FHIT: variants seen among roughly 807,000 people sequenced by gnomAD.
The protein encoded by FHIT is bis(5'-adenosyl)-triphosphatase.
FHIT carries 19 observed loss-of-function variants against 17.9 expected under a neutral mutation model. That is an observed-to-expected ratio of 1.06 (90% CI 0.74 to 1.56). The LOEUF (loss-of-function observed/expected upper bound fraction) is 1.56, where lower values mean the gene tolerates loss of function less well. Among genes scored for constraint, FHIT ranks in the 40% most tolerant of loss-of-function variants. The pLI is 0.00. For missense variants in FHIT, 248 were observed against 189.2 expected, an observed-to-expected ratio of 1.31 and a Z score of -1.82; for synonymous variants, 81 against 69.7, an observed-to-expected ratio of 1.16 and a Z score of -0.81.
intron 5 of FHIT, among the ~76,000 whole-genome samples, chr3:60,466,450 T>C (rs180696055): frequency 1.1e-4 from 17 of 152,198 alleles, no homozygotes; most frequent in African/African-American, 3.8e-4. Flanking sequence ...GTTTGTCTCA[T>C]TTCAGATTGT....
intron 7 of FHIT, among the ~76,000 whole-genome samples, chr3:59,958,479 C>T (rs998107241): frequency 2.6e-5 from 4 of 152,282 alleles, no homozygotes; most frequent in South Asian, 2.1e-4. Context: ...CAGACTGATT[C>T]TCTCCTGAGG....
chr3:60,667,915 G>A (rs2040417584), intron 4 of FHIT, among the ~76,000 whole-genome samples: 1 of 151,792 alleles, frequency 6.6e-6, no homozygotes. Context: ...TGCCTTGTGG[G>A]GCAGAACAGA....
intron 8 of FHIT, among the ~76,000 whole-genome samples, chr3:59,779,008 C>T (rs1386506606): frequency 6.6e-6 from 1 of 152,142 alleles, no homozygotes; most frequent in African/African-American, 2.4e-5. Context: ...AGATGGTGGA[C>T]CTGCCCTTAT....
intron 8 of FHIT, among the ~76,000 whole-genome samples, chr3:59,833,493 C>G (rs1701235509): frequency 6.6e-6 from 1 of 152,154 alleles, no homozygotes; most frequent in Non-Finnish European, 1.5e-5. Flanking sequence ...CCTCTACAGG[C>G]TACAGAGAGA....
intron 1 of FHIT, among the ~76,000 whole-genome samples, chr3:61,239,782 T>TATATATATATAC (rs895030251): frequency 6.9e-6 from 1 of 144,032 alleles, no homozygotes; most frequent in Admixed American, 6.9e-5. Flanking sequence ...TATATATATA[T>TATATATATATAC]ATACACAAAT....
At chr3:60,515,650 G>C (rs185028473) in intron 5 of FHIT, among the ~76,000 whole-genome samples, 1 of 151,536 alleles carries the variant, frequency 6.6e-6, no homozygotes, top group Non-Finnish European at 1.5e-5. Context: ...AATCACATTA[G>C]ACTCTTCTAT....
At chr3:60,269,095 G>C (rs1706735739) in intron 5 of FHIT, among the ~76,000 whole-genome samples, 1 of 152,206 alleles carries the variant, frequency 6.6e-6, no homozygotes, top group African/African-American at 2.4e-5. Context: ...CTGGCCTCCA[G>C]AGTTGTTAAA....
intron 2 of FHIT, among the ~76,000 whole-genome samples, chr3:61,061,217 T>TC (rs1238532828): frequency 5.3e-5 from 8 of 152,072 alleles, no homozygotes; most frequent in South Asian, 2.1e-4. Context: ...ATGAAACATT[T>TC]TCCCCCCTCC....
At chr3:60,161,425 G>A (rs187544651) in intron 5 of FHIT, among the ~76,000 whole-genome samples, 2 of 152,242 alleles carry the variant, frequency 1.3e-5, no homozygotes, top group African/African-American at 2.4e-5. Flanking sequence ...AGGAATCTCC[G>A]GGTATTTCAT....
chr3:60,510,027 C>A (rs1047254917), intron 5 of FHIT, among the ~76,000 whole-genome samples: 4 of 152,194 alleles, frequency 2.6e-5, no homozygotes, highest in African/African-American at 7.2e-5. Context: ...GAGCGCCCAT[C>A]CCAGAGTTAC....
rs1426501691 is a variant in FHIT at position 59,748,811 on chromosome 3, G to A, written c.*774C>T. Among the ~76,000 whole-genome samples, 1 of 152,112 alleles carries A rather than the reference G, an allele frequency of 6.6e-6. No individual in the cohort carries two copies. The highest frequency in any genetic ancestry group is 1.5e-5 in the Non-Finnish European group (1 of 68,012). ...AACTAATAATACTTAACATCCTTAA[G>A]CCTTAGTTTTCTCATCACTTGCAAG... On this transcript the variant is annotated 3_prime_UTR_variant, in exon 10 of 10. Transcript: ENST00000492590.
intron 5 of FHIT, among the ~76,000 whole-genome samples, chr3:60,260,353 A>C (rs923021460): frequency 1.7e-5 from 2 of 117,000 alleles, no homozygotes; most frequent in Non-Finnish European, 4.1e-5. Flanking sequence ...GACTAAATTT[A>C]AAAAAAAAAA....
chr3:60,564,685 C>T (rs1576888016), intron 4 of FHIT, among the ~76,000 whole-genome samples: 2 of 152,094 alleles, frequency 1.3e-5, no homozygotes, highest in Admixed American at 6.5e-5. Context: ...AGCCTGAAGA[C>T]GTGACTGTAT....
chr3:60,702,767 G>C (rs1353618091), intron 4 of FHIT, among the ~76,000 whole-genome samples: 1 of 152,016 alleles, frequency 6.6e-6, no homozygotes, highest in African/African-American at 2.4e-5. Context: ...AGTGCTAATA[G>C]CAAATATTCC....
chr3:60,307,511 T>G (rs1435285815), intron 5 of FHIT, among the ~76,000 whole-genome samples: 1 of 152,176 alleles, frequency 6.6e-6, no homozygotes, highest in Non-Finnish European at 1.5e-5. Context: ...AATAAAATCT[T>G]CAGTGTGTTG....
At chr3:60,701,171 T>A (rs2107909064) in intron 4 of FHIT, among the ~76,000 whole-genome samples, 1 of 150,248 alleles carries the variant, frequency 6.7e-6, no homozygotes, top group Middle Eastern at 3.4e-3. Context: ...TTGTCCAGGC[T>A]GGAGTGCAGG....
chr3:60,562,562 T>C (rs2036990575), intron 4 of FHIT, among the ~76,000 whole-genome samples: 1 of 152,134 alleles, frequency 6.6e-6, no homozygotes, highest in Admixed American at 6.6e-5. Flanking sequence ...ATTAGGAAAA[T>C]AAGTTAGTTG....
At chr3:61,068,747 G>C (rs368796083) in intron 2 of FHIT, among the ~76,000 whole-genome samples, 1 of 152,084 alleles carries the variant, frequency 6.6e-6, no homozygotes, top group African/African-American at 2.4e-5. Flanking sequence ...CACCAATATA[G>C]AAAATAAGAG....
intron 5 of FHIT, among the ~76,000 whole-genome samples, chr3:60,431,840 A>G (rs188563856): frequency 6.6e-6 from 1 of 152,144 alleles, no homozygotes; most frequent in East Asian, 1.9e-4. Flanking sequence ...CCACCCTGAG[A>G]CAAAATTAAC....
Sources: allele counts gnomAD v4.1 joint callset (sites outside exome capture counted in the v4.1 genomes callset), GRCh38; gene constraint gnomAD v4.1.1; transcripts MANE v1.5; gene names NCBI Gene and HGNC (gene_info 2026-07-23, HGNC 2026-07-21).